The following ADGRB3 variants were observed in gnomAD, a reference collection of about 807,000 sequenced individuals.
ADGRB3 encodes the protein brain-specific angiogenesis inhibitor 3.
Under a neutral mutation model 193.4 loss-of-function variants are expected in ADGRB3, and 37 were observed. That is an observed-to-expected ratio of 0.19 (90% CI 0.15 to 0.25). ADGRB3 has a LOEUF of 0.25. ADGRB3 is among the 10% of genes least tolerant of loss of function. The pLI is 1.00. For synonymous variants in ADGRB3, 690 were observed against 644.2 expected (o/e 1.07, Z -1.08); for missense variants, 1,637 against 1,852.9 (o/e 0.88, Z 2.14).
At chr6:68,908,951 A>G (rs1766623501) in intron 3 of ADGRB3, among the ~76,000 whole-genome samples, 1 of 152,126 alleles carries the variant, frequency 6.6e-6, no homozygotes, top group Non-Finnish European at 1.5e-5. Context: ...TTAAATATAT[A>G]AGTGATTCTC....
chr6:68,703,590 T>C (rs1765277821), intron 3 of ADGRB3, among the ~76,000 whole-genome samples: 2 of 152,148 alleles, frequency 1.3e-5, no homozygotes, highest in Non-Finnish European at 2.9e-5. Flanking sequence ...ACCTAAAATA[T>C]TAAATAAAAA....
At chr6:68,729,814 C>A (rs1413219104) in intron 3 of ADGRB3, among the ~76,000 whole-genome samples, 2 of 151,462 alleles carry the variant, frequency 1.3e-5, no homozygotes, top group Non-Finnish European at 3.0e-5. Context: ...TTTACAAAGA[C>A]ACATTTTTTT....
chr6:69,235,777 G>T, intron 19 of ADGRB3, among the ~76,000 whole-genome samples: 1 of 151,990 alleles, frequency 6.6e-6, no homozygotes, highest in Middle Eastern at 3.4e-3. Flanking sequence ...ATATATGAAA[G>T]CCTAGTATTT....
At chr6:68,972,149 A>G (rs1249752917) in intron 8 of ADGRB3, among the ~76,000 whole-genome samples, 1 of 152,188 alleles carries the variant, frequency 6.6e-6, no homozygotes, top group Non-Finnish European at 1.5e-5. Flanking sequence ...TTCTATTCCC[A>G]AGATATTGAA....
intron 10 of ADGRB3, among the ~76,000 whole-genome samples, chr6:68,989,031 A>G (rs1769156276): frequency 6.6e-6 from 1 of 152,158 alleles, no homozygotes; most frequent in Non-Finnish European, 1.5e-5. Flanking sequence ...AAATGCACTC[A>G]AAAGCATCTC....
chr6:69,117,080 A>G (rs997518949), intron 17 of ADGRB3, among the ~76,000 whole-genome samples: 1 of 152,228 alleles, frequency 6.6e-6, no homozygotes, highest in African/African-American at 2.4e-5. Context: ...AAAATTAGGA[A>G]AAAAAGATAG....
At chr6:69,276,785 A>G (rs1025331327) in intron 20 of ADGRB3, among the ~76,000 whole-genome samples, 4 of 152,062 alleles carry the variant, frequency 2.6e-5, no homozygotes, top group Non-Finnish European at 5.9e-5. Flanking sequence ...ATGCTCCTTT[A>G]TAGTACAGAT....
intron 20 of ADGRB3, among the ~76,000 whole-genome samples, chr6:69,250,328 G>C (rs1446120522): frequency 1.8e-4 from 3 of 16,512 alleles, no homozygotes; most frequent in Non-Finnish European, 9.4e-5. Context: ...ACTTATTTTT[G>C]TTTATTTTTA....
At chr6:68,880,627 G>T (rs865791374) in intron 3 of ADGRB3, among the ~76,000 whole-genome samples, 14 of 152,234 alleles carry the variant, frequency 9.2e-5, no homozygotes, top group Non-Finnish European at 1.5e-4. Flanking sequence ...TCCCCAAGGG[G>T]TTTGTACTTT....
At chr6:69,169,568 C>A (rs1775220996) in intron 17 of ADGRB3, among the ~76,000 whole-genome samples, 1 of 149,556 alleles carries the variant, frequency 6.7e-6, no homozygotes, top group Admixed American at 6.7e-5. Flanking sequence ...ATTAAATTAT[C>A]ATTTAATTAT....
intron 17 of ADGRB3, among the ~76,000 whole-genome samples, chr6:69,127,835 C>A (rs1259381050): frequency 6.6e-6 from 1 of 151,924 alleles, no homozygotes; most frequent in Admixed American, 6.6e-5. Flanking sequence ...TGAATGTTCC[C>A]GTGACCTGGG....
chr6:68,888,902 TCTTTA>T (rs1188881041), intron 3 of ADGRB3, among the ~76,000 whole-genome samples: 2 of 152,194 alleles, frequency 1.3e-5, no homozygotes, highest in Non-Finnish European at 2.9e-5. Flanking sequence ...TTATGTCACT[TCTTTA>T]CTTTTCTATT....
At chr6:68,728,149 G>A (rs1259538639) in intron 3 of ADGRB3, among the ~76,000 whole-genome samples, 1 of 151,274 alleles carries the variant, frequency 6.6e-6, no homozygotes, top group Non-Finnish European at 1.5e-5. Flanking sequence ...CTAGAACAGA[G>A]GCTATGTTCT....
At chr6:69,379,288 A>T (rs1769896489) in intron 30 of ADGRB3, among the ~76,000 whole-genome samples, 1 of 151,994 alleles carries the variant, frequency 6.6e-6, no homozygotes, top group Non-Finnish European at 1.5e-5. Flanking sequence ...TCAGTTTTTG[A>T]CAGCAGTTAA....
chr6:69,246,335 A>G (rs769392796), intron 20 of ADGRB3, among the ~76,000 whole-genome samples: 43 of 152,172 alleles, frequency 2.8e-4, no homozygotes, highest in Admixed American at 2.0e-3. Context: ...TTGACTTGCT[A>G]TGACGTTTGT....
chr6:69,314,669 T>C (rs1450850175), intron 20 of ADGRB3, among the ~76,000 whole-genome samples: 1 of 151,552 alleles, frequency 6.6e-6, no homozygotes, highest in African/African-American at 2.4e-5. Flanking sequence ...TTCCATAACA[T>C]CCAAGGGAAA....
chr6:69,053,690 A>T (rs1771463490), intron 15 of ADGRB3, among the ~76,000 whole-genome samples: 1 of 152,226 alleles, frequency 6.6e-6, no homozygotes, highest in Admixed American at 6.5e-5. Context: ...CATTCACATT[A>T]AGGAATTAGA....
In ADGRB3 at chr6:69,388,934, CTGA is replaced by C; in HGVS notation, c.*44_*46del. ...AAGGTAGAGACAAAACTTTATTGCA[CTGA>C]CACTTAAGACTTGGGAAGCCTGACA... On this transcript the variant is annotated 3_prime_UTR_variant, in exon 32 of 32. Transcript: ENST00000370598. The C allele has an allele frequency of 6.4e-7, 1 of 1,563,946 alleles. No homozygotes were observed. The highest frequency in any genetic ancestry group is 8.7e-7 in the Non-Finnish European group (1 of 1,150,906).
intron 24 of ADGRB3, among the ~76,000 whole-genome samples, chr6:69,334,130 C>CTTT (rs1378044565): frequency 6.6e-6 from 1 of 151,664 alleles, no homozygotes; most frequent in Non-Finnish European, 1.5e-5. Context: ...GTATTAATGC[C>CTTT]TTTGTTTTTT....
Sources: allele counts gnomAD v4.1 joint callset (sites outside exome capture counted in the v4.1 genomes callset), GRCh38; gene constraint gnomAD v4.1.1; transcripts MANE v1.5; gene names NCBI Gene and HGNC (gene_info 2026-07-23, HGNC 2026-07-21).